The following ROBO2 variants were observed in gnomAD, a reference collection of about 807,000 sequenced individuals.
The protein encoded by ROBO2 is roundabout homolog 2.
ROBO2 carries 53 observed loss-of-function variants against 160.8 expected under a neutral mutation model. The observed-to-expected ratio is 0.33, with a 90% CI of 0.26 to 0.41. ROBO2 has a LOEUF of 0.41. ROBO2 is among the 10% of genes least tolerant of loss of function. ROBO2 has a pLI of 1.00. For missense variants in ROBO2, 1,577 were observed against 1,722.4 expected (o/e 0.92, Z 1.49); for synonymous variants, 664 against 611.7 (o/e 1.09, Z -1.26).
At chr3:76,908,220 A>G (rs1047874208) in intron 2 of ROBO2, among the ~76,000 whole-genome samples, 2 of 152,044 alleles carry the variant, frequency 1.3e-5, no homozygotes, top group Non-Finnish European at 2.9e-5. Context: ...AGAAAAAAAA[A>G]CTGCAAACAT....
intron 2 of ROBO2, among the ~76,000 whole-genome samples, chr3:76,865,855 T>C (rs892572108): frequency 9.2e-5 from 14 of 152,242 alleles, no homozygotes; most frequent in African/African-American, 3.1e-4. Flanking sequence ...TTAAGAGGCA[T>C]TTTATTCCCA....
chr3:77,592,068 T>C (rs1331686826), intron 17 of ROBO2, among the ~76,000 whole-genome samples: 1 of 152,146 alleles, frequency 6.6e-6, no homozygotes, highest in Non-Finnish European at 1.5e-5. Context: ...AAGCATAAAG[T>C]AAAAAATGAA....
intron 2 of ROBO2, among the ~76,000 whole-genome samples, chr3:76,953,731 A>T (rs1214143119): frequency 6.6e-6 from 1 of 152,190 alleles, no homozygotes; most frequent in Non-Finnish European, 1.5e-5. Context: ...CTGTGAAGAA[A>T]GACAGTCCTT....
intron 2 of ROBO2, among the ~76,000 whole-genome samples, chr3:77,166,974 C>T (rs1316083744): frequency 6.6e-6 from 1 of 152,110 alleles, no homozygotes; most frequent in Non-Finnish European, 1.5e-5. Context: ...TATGATGTTT[C>T]TTTATTCTTT....
At chr3:76,268,800 T>G (rs1237978839) in intron 2 of ROBO2, among the ~76,000 whole-genome samples, 1 of 152,134 alleles carries the variant, frequency 6.6e-6, no homozygotes, top group Non-Finnish European at 1.5e-5. Flanking sequence ...TGACTGCCTC[T>G]TTAGTAGTAA....
At chr3:76,015,594 T>C (rs2066384078) in intron 2 of ROBO2, among the ~76,000 whole-genome samples, 1 of 152,248 alleles carries the variant, frequency 6.6e-6, no homozygotes, top group East Asian at 1.9e-4. Context: ...AAATTTCTTA[T>C]GTTCTGGTAT....
chr3:76,413,213 C>G (rs568280839), intron 2 of ROBO2, among the ~76,000 whole-genome samples: 1 of 152,290 alleles, frequency 6.6e-6, no homozygotes, highest in African/African-American at 2.4e-5. Flanking sequence ...ACTTTTCCCT[C>G]CTGGGCCTCC....
chr3:77,617,645 T>C (rs1364401301), exon 22 of ROBO2: 2 of 1,614,168 alleles, frequency 1.2e-6, no homozygotes, highest in South Asian at 2.2e-5. Context: ...CTTCTCCTGC[T>C]ATCTCCTTTG....
intron 2 of ROBO2, among the ~76,000 whole-genome samples, chr3:76,850,592 C>T (rs939218631): frequency 3.9e-5 from 6 of 152,100 alleles, no homozygotes; most frequent in South Asian, 2.1e-4. Context: ...GCCCACAGTA[C>T]GGGGCTCGAT....
At chr3:76,003,279 A>C (rs560363635) in intron 2 of ROBO2, among the ~76,000 whole-genome samples, 1 of 152,184 alleles carries the variant, frequency 6.6e-6, no homozygotes, top group African/African-American at 2.4e-5. Flanking sequence ...ATATTCCTCA[A>C]TATCTCATAT....
intron 2 of ROBO2, among the ~76,000 whole-genome samples, chr3:77,473,914 T>C (rs1192388407): frequency 6.6e-6 from 1 of 152,182 alleles, no homozygotes; most frequent in Non-Finnish European, 1.5e-5. Context: ...AAGATCTCTC[T>C]GACCTTCCTT....
intron 2 of ROBO2, among the ~76,000 whole-genome samples, chr3:76,603,706 C>G (rs373832452): frequency 1.3e-5 from 2 of 151,868 alleles, no homozygotes; most frequent in South Asian, 4.1e-4. Context: ...ATGCTATAAG[C>G]TTCATAACAT....
chr3:76,412,501 C>T (rs766533148), intron 2 of ROBO2, among the ~76,000 whole-genome samples: 2 of 152,172 alleles, frequency 1.3e-5, no homozygotes, highest in South Asian at 2.1e-4. Context: ...AAATCAAAAG[C>T]CAGCTAGTTA....
At chr3:76,458,860 A>C (rs1423193449) in intron 2 of ROBO2, among the ~76,000 whole-genome samples, 4 of 152,088 alleles carry the variant, frequency 2.6e-5, no homozygotes, top group Admixed American at 1.3e-4. Context: ...CATGGGAAAG[A>C]CCAGCCCCCA....
At chr3:76,722,185 T>C (rs949911506) in intron 2 of ROBO2, among the ~76,000 whole-genome samples, 1 of 152,162 alleles carries the variant, frequency 6.6e-6, no homozygotes, top group Non-Finnish European at 1.5e-5. Context: ...AGGTTTATCC[T>C]GGAGGGAGAT....
At chr3:76,371,486 G>T (rs902143448) in intron 2 of ROBO2, among the ~76,000 whole-genome samples, 1 of 151,594 alleles carries the variant, frequency 6.6e-6, no homozygotes, top group Admixed American at 6.6e-5. Context: ...AAGTGAAAGG[G>T]TATTTACAAT....
At chr3:76,685,270 G>A (rs886947104) in intron 2 of ROBO2, among the ~76,000 whole-genome samples, 1 of 150,710 alleles carries the variant, frequency 6.6e-6, no homozygotes, top group Non-Finnish European at 1.5e-5. Context: ...GACAGTCGAG[G>A]TTTTGAAGCA....
Position 76,254,735 on chromosome 3 carries a change from C to CAGAG in ROBO2, c.109+317151_109+317154dup, listed in dbSNP as rs36108761. ...TTTTATAGACCTAAATACTCTCTCT[C>CAGAG]AGAGAGAGAGAGAGAGAGAGAACAA... On this transcript the variant is annotated intron_variant, in intron 2 of 26. Coordinates refer to the ROBO2 transcript ENST00000487694. Among the ~76,000 whole-genome samples the CAGAG allele has an allele frequency of 6.2e-3, 920 of 148,610 alleles. 7 individuals carry two copies. Among genetic ancestry groups the CAGAG allele is most frequent in the Admixed American group, 0.027 (396 of 14,882 alleles).
chr3:76,668,384 A>G (rs745501073), intron 2 of ROBO2, among the ~76,000 whole-genome samples: 17 of 152,156 alleles, frequency 1.1e-4, no homozygotes, highest in Non-Finnish European at 2.4e-4. Context: ...TTGGAATTAC[A>G]GGCTGCACCC....
Sources: allele counts gnomAD v4.1 joint callset (sites outside exome capture counted in the v4.1 genomes callset), GRCh38; gene constraint gnomAD v4.1.1; transcripts MANE v1.5; gene names NCBI Gene and HGNC (gene_info 2026-07-23, HGNC 2026-07-21).